MAPK4: variants seen among roughly 807,000 people sequenced by gnomAD.
The protein encoded by MAPK4 is mitogen-activated protein kinase 4.
Under a neutral mutation model 47.7 loss-of-function variants are expected in MAPK4, and 22 were observed. That is an observed-to-expected ratio of 0.46 (90% CI 0.33 to 0.66). The LOEUF is 0.66. Ranked by LOEUF, MAPK4 falls within the 30% of genes least tolerant of loss-of-function variation. The pLI is 0.02. For synonymous variants in MAPK4, 390 were observed against 365.7 expected (o/e 1.07, Z -0.76); for missense variants, 736 against 831.7 (o/e 0.88, Z 1.42).
intron 1 of MAPK4, among the ~76,000 whole-genome samples, chr18:50,584,235 C>T (rs1255450004): frequency 1.3e-5 from 2 of 152,106 alleles, no homozygotes; most frequent in Non-Finnish European, 2.9e-5. Flanking sequence ...TCTGTCCAAG[C>T]CCTTTATGTC....
At chr18:50,614,768 T>C (rs1396917642) in intron 1 of MAPK4, among the ~76,000 whole-genome samples, 1 of 152,238 alleles carries the variant, frequency 6.6e-6, no homozygotes, top group Non-Finnish European at 1.5e-5. Flanking sequence ...CATATGTAAC[T>C]CTTGTGGTTA....
At chr18:50,573,030 T>C (rs2042263461) in intron 1 of MAPK4, among the ~76,000 whole-genome samples, 1 of 152,202 alleles carries the variant, frequency 6.6e-6, no homozygotes, top group African/African-American at 2.4e-5. Flanking sequence ...GTTATGATTA[T>C]GGGGCAGTCA....
chr18:50,666,916 A>G (rs1907633391), intron 2 of MAPK4, among the ~76,000 whole-genome samples: 1 of 152,192 alleles, frequency 6.6e-6, no homozygotes, highest in South Asian at 2.1e-4. Context: ...TTTAATCCCC[A>G]TAATGCTGTG....
Position 50,621,043 on chromosome 18 carries a change from A to G in MAPK4, c.-870-42046A>G, listed in dbSNP as rs551557633. 2.4e-4 allele frequency among the ~76,000 whole-genome samples: 36 copies of G among 152,300 alleles called. No individual in the cohort carries two copies. The South Asian group carries it at 7.1e-3, about 30-fold the overall frequency. On this transcript the variant is annotated intron_variant, in intron 1 of 5. Coordinates refer to ENST00000400384, the MANE Select transcript of MAPK4 (RefSeq NM_002747.4). ...CTTAACTTTATCGATCATTTGCTAC[A>G]TTACTGGGCACTGTGCTCAGGGTTT...
In MAPK4 at chr18:50,703,537, CATA is replaced by C. The variant is rs557165626; in HGVS notation, c.547-11538_547-11536del. On this transcript the variant is annotated intron_variant, in intron 2 of 5. Transcript: ENST00000400384. ...TTCACACAGAGCATTCAGCAGGCGC[CATA>C]ATATTAGTCTTGCTAACAGAAGACA... Among the ~76,000 whole-genome samples, 4 of 152,276 alleles carry C rather than the reference CATA, an allele frequency of 2.6e-5. No homozygotes were observed. In the South Asian group the frequency reaches 8.3e-4, roughly 32 times the overall value.
chr18:50,668,957 C>T (rs1484367946), intron 2 of MAPK4, among the ~76,000 whole-genome samples: 6 of 152,182 alleles, frequency 3.9e-5, no homozygotes, highest in African/African-American at 7.2e-5. Flanking sequence ...CTGTTAGAGT[C>T]AAACGAAAAA....
chr18:50,710,458 G>C (rs1350178303), intron 2 of MAPK4, among the ~76,000 whole-genome samples: 1 of 152,032 alleles, frequency 6.6e-6, no homozygotes, highest in Non-Finnish European at 1.5e-5. Flanking sequence ...ACTCCAGCCT[G>C]GGCAACAGAG....
At chr18:50,696,909 G>A (rs1169053851) in intron 2 of MAPK4, among the ~76,000 whole-genome samples, 1 of 152,052 alleles carries the variant, frequency 6.6e-6, no homozygotes, top group Non-Finnish European at 1.5e-5. Flanking sequence ...AGCACCTGGA[G>A]AGAGAAAAAA....
intron 1 of MAPK4, among the ~76,000 whole-genome samples, chr18:50,572,288 T>A (rs188170936): frequency 6.6e-6 from 1 of 152,288 alleles, no homozygotes; most frequent in African/African-American, 2.4e-5. Flanking sequence ...AGAATATATC[T>A]AGTAAGTAGT....
intron 1 of MAPK4, among the ~76,000 whole-genome samples, chr18:50,604,293 T>G (rs2042564840): frequency 6.6e-6 from 1 of 152,208 alleles, no homozygotes; most frequent in Non-Finnish European, 1.5e-5. Flanking sequence ...GTGATATGCT[T>G]TAGAACTTCC....
intron 1 of MAPK4, among the ~76,000 whole-genome samples, chr18:50,641,741 T>C (rs2144183189): frequency 6.6e-6 from 1 of 152,232 alleles, no homozygotes; most frequent in East Asian, 1.9e-4. Flanking sequence ...AAACAACATT[T>C]AGAAATAAAC....
intron 1 of MAPK4, among the ~76,000 whole-genome samples, chr18:50,630,624 G>A (rs1405443977): frequency 6.6e-6 from 1 of 152,132 alleles, no homozygotes. Flanking sequence ...ATCCTTCAAG[G>A]TCCTAACTAA....
intron 2 of MAPK4, among the ~76,000 whole-genome samples, chr18:50,694,847 C>T (rs1309695427): frequency 6.6e-6 from 1 of 152,206 alleles, no homozygotes; most frequent in African/African-American, 2.4e-5. Context: ...ACTCCATCAC[C>T]ACTGTCACCA....
chr18:50,720,708 A>G (rs1910892380), intron 3 of MAPK4, among the ~76,000 whole-genome samples: 1 of 152,142 alleles, frequency 6.6e-6, no homozygotes. Flanking sequence ...CATTGACCTC[A>G]TGGTCCCCTG....
chr18:50,620,418 A>G (rs1283530727), intron 1 of MAPK4, among the ~76,000 whole-genome samples: 1 of 152,242 alleles, frequency 6.6e-6, no homozygotes, highest in African/African-American at 2.4e-5. Flanking sequence ...AGTTCTCCTC[A>G]TTAGAAATTC....
chr18:50,704,753 C>G (rs1281084801), intron 2 of MAPK4: 1 of 398,418 alleles, frequency 2.5e-6, no homozygotes, highest in Admixed American at 4.4e-5. Context: ...TATGTTGTGT[C>G]GTTACCCTCC....
intron 1 of MAPK4, among the ~76,000 whole-genome samples, chr18:50,635,820 C>T (rs1331791511): frequency 1.3e-5 from 2 of 152,246 alleles, no homozygotes; most frequent in African/African-American, 2.4e-5. Context: ...TGGCTTGGTC[C>T]TCTAGGCCCC....
chr18:50,645,685 C>T lies in MAPK4; in HGVS notation c.-870-17404C>T, dbSNP rs150767500. 9.6e-3 allele frequency among the ~76,000 whole-genome samples: 1,467 copies of T among 152,268 alleles called. 14 individuals carry two copies. The highest frequency in any genetic ancestry group is 0.013 in the African/African-American group (542 of 41,546). ...GAATTTAATTGTGTCACTCATTACA[C>T]GGGCCTTATGGTCAGGACAGCTCTT... is the stretch of plus-strand genomic sequence containing the variant. On this transcript the variant is annotated intron_variant, in intron 1 of 5. Transcript: ENST00000400384.
intron 2 of MAPK4, among the ~76,000 whole-genome samples, chr18:50,708,047 C>T (rs1397041501): frequency 6.6e-6 from 1 of 152,232 alleles, no homozygotes. Flanking sequence ...CAGATGATTT[C>T]CCAGTGATTG....
Sources: allele counts gnomAD v4.1 joint callset (sites outside exome capture counted in the v4.1 genomes callset), GRCh38; gene constraint gnomAD v4.1.1; transcripts MANE v1.5; gene names NCBI Gene and HGNC (gene_info 2026-07-23, HGNC 2026-07-21).